The following MTRR variants were observed in gnomAD, a reference collection of about 807,000 sequenced individuals.
MTRR encodes the protein methionine synthase reductase.
A neutral mutation model predicts 79.2 loss-of-function variants in MTRR; 63 were observed. The observed-to-expected ratio is 0.80, with a 90% CI of 0.65 to 0.98. The LOEUF (loss-of-function observed/expected upper bound fraction) is 0.98. Among genes scored for constraint, MTRR ranks in the 50% least tolerant of loss-of-function variants. The pLI is 0.00. For synonymous variants in MTRR, 355 were observed against 313.3 expected, an observed-to-expected ratio of 1.13 and a Z score of -1.41; for missense variants, 895 against 839.6, an observed-to-expected ratio of 1.07 and a Z score of -0.82.
At chr5:7,855,504 C>G (rs934508778) in intron 1 of MTRR, among the ~76,000 whole-genome samples, 1 of 150,902 alleles carries the variant, frequency 6.6e-6, no homozygotes, top group Non-Finnish European at 1.5e-5. Context: ...GAGGAACTTG[C>G]AAACTTATAC....
At chr5:7,872,724 A>G (rs1748199358) in intron 2 of MTRR, among the ~76,000 whole-genome samples, 1 of 152,178 alleles carries the variant, frequency 6.6e-6, no homozygotes, top group African/African-American at 2.4e-5. Flanking sequence ...TTTCTTTACC[A>G]CAGTATTCTA....
chr5:7,864,463 G>A (rs1037177949), upstream of MTRR, among the ~76,000 whole-genome samples: 2 of 152,000 alleles, frequency 1.3e-5, no homozygotes, highest in African/African-American at 4.8e-5. Context: ...TACATCATAA[G>A]TAATATTAAA....
At chr5:7,873,632 C>A in intron 3 of MTRR, 106 bp downstream of exon 3, 1 of 1,310,600 alleles carries the variant, frequency 7.6e-7, no homozygotes, top group Non-Finnish European at 1.1e-6. Context: ...TTTTGTCTTT[C>A]TTATGTAAAT....
intron 1 of MTRR, among the ~76,000 whole-genome samples, chr5:7,860,205 TG>T (rs1357126242): frequency 2.0e-5 from 3 of 152,158 alleles, no homozygotes; most frequent in Non-Finnish European, 4.4e-5. Context: ...AATATTCAGC[TG>T]GGGATGTGCA....
At position 7,892,848 on chromosome 5, in the gene MTRR, G is replaced by A. The variant is rs1737849963; in HGVS notation, c.1492G>A (p.Ala498Thr). 6.2e-7 allele frequency: 1 copy of A among 1,614,204 alleles called. No homozygotes were observed. The highest frequency in any genetic ancestry group is 1.7e-5 in the Admixed American group (1 of 60,018). ...VCTGWLALLV[A>T]SVLQPNIHAS... Reference sequence around the variant, plus strand: ...TACAGGCTGGCTGGCCTTGTTGGTTGCTTCAGTTCTTCAGCCAAACATACA... The same window carrying A: ...TACAGGCTGGCTGGCCTTGTTGGTTACTTCAGTTCTTCAGCCAAACATACA... Residue 498 changes from alanine to threonine, a missense_variant, in exon 11 of 15, where the codon GCT (alanine) becomes ACT (threonine). By Grantham distance (58) the Ala-to-Thr change is moderately conservative. Coordinates refer to ENST00000440940, the MANE Select transcript of MTRR (RefSeq NM_002454.3).
At chr5:7,867,826 G>C, upstream of MTRR, 1 of 1,614,186 alleles carries the variant, frequency 6.2e-7, no homozygotes, top group South Asian at 1.1e-5. Flanking sequence ...GCCTGTCGCA[G>C]TCAGATACTT....
rs2126674347 is a variant in MTRR, at chr5:7,875,118, A to G, written c.284-140A>G. 4 of 709,142 alleles carry G rather than the reference A, an allele frequency of 5.6e-6. No individual in the cohort carries two copies. The South Asian group carries it at 6.3e-5, about 11-fold the overall frequency. 43.9% of individuals were successfully genotyped at this position (709,142 alleles called of 1,614,324 possible). A position where few individuals can be genotyped will look rare whatever the true frequency, so the allele number is the denominator to read the frequency against. ...CTACATGCATAGAATTACTCAAGGAAAATAAAATGTGAAGCTCTGCATTAT... is the reference window on the plus strand; with the variant it reads ...CTACATGCATAGAATTACTCAAGGAGAATAAAATGTGAAGCTCTGCATTAT... On this transcript the variant is annotated intron_variant, in intron 3 of 14. Transcript: ENST00000440940.
intron 3 of MTRR, among the ~76,000 whole-genome samples, chr5:7,874,721 C>A (rs1337001018): frequency 6.6e-6 from 1 of 150,426 alleles, no homozygotes; most frequent in African/African-American, 2.4e-5. Flanking sequence ...TATCAGGAGT[C>A]AGTAAACTCT....
Position 7,883,046 on chromosome 5 carries a change from T to C in MTRR, c.781-109T>C, listed in dbSNP as rs1461950615. ...ATTCATTTACCTTGGAAATGAATAC[T>C]GAGTAGCCAGGAAGTTTTGTAAGCC... On this transcript the variant is annotated intron_variant, in intron 5 of 14. Transcript: ENST00000440940. The C allele has an allele frequency of 6.3e-6, 9 of 1,423,564 alleles. No homozygotes were observed. In the African/African-American group the frequency reaches 9.9e-5, roughly 16 times the overall value. The allele number at this position is 1,423,564 out of a possible 1,614,324, so 88.2% of individuals were successfully genotyped here. A position where few individuals can be genotyped will look rare whatever the true frequency, so the allele number is the denominator to read the frequency against.
chr5:7,883,177 C>T lies in MTRR; in HGVS notation c.803C>T (p.Thr268Ile). Residue 268 changes from threonine to isoleucine, a missense_variant, in exon 6 of 15, where the codon ACT becomes ATT. By Grantham distance (89) the Thr-to-Ile change is moderately conservative. Transcript: ENST00000440940. The stretch of plus-strand genomic sequence containing the variant: ...AAGGAGGAAAGCCAAGTATCTGTGA[C>T]TTCAGCAGATCCAGTTTTTCAAGTG... ...LGQEESQVSVTSADPVFQVPI... is the reference protein window; with the variant it reads ...LGQEESQVSVISADPVFQVPI... 1.9e-6 allele frequency: 3 copies of T among 1,614,236 alleles called. No individual in the cohort carries two copies. The highest frequency in any genetic ancestry group is 2.5e-6 in the Non-Finnish European group (3 of 1,180,048).
At chr5:7,867,108 C>G, upstream of MTRR, 1 of 1,614,176 alleles carries the variant, frequency 6.2e-7, no homozygotes, top group Non-Finnish European at 8.5e-7. Context: ...AAATGTGGGA[C>G]ATGCCTCACG....
chr5:7,889,019 G>A (rs1737093629), intron 8 of MTRR, 76 bp from the exon 9 acceptor site: 1 of 1,562,192 alleles, frequency 6.4e-7, no homozygotes, highest in Non-Finnish European at 8.8e-7. Flanking sequence ...GCATCCCTAG[G>A]CAGACATTTA....
intron 6 of MTRR, among the ~76,000 whole-genome samples, chr5:7,884,441 T>G (rs532081516): frequency 6.6e-6 from 1 of 152,390 alleles, no homozygotes; most frequent in South Asian, 2.1e-4. Context: ...GTAGATTACT[T>G]ACAGTATCTA....
intron 12 of MTRR, chr5:7,896,370 A>G (rs1469669341): frequency 2.1e-5 from 4 of 191,966 alleles, no homozygotes; most frequent in South Asian, 1.0e-4. Flanking sequence ...CTTAGATACT[A>G]TTTGTCAGAT....
intron 5 of MTRR, among the ~76,000 whole-genome samples, chr5:7,881,383 T>G (rs1472984698): frequency 6.6e-6 from 1 of 151,750 alleles, no homozygotes; most frequent in Non-Finnish European, 1.5e-5. Context: ...GGTGTGGTAG[T>G]GGGGGTACAG....
At chr5:7,874,730 C>T (rs946824236) in intron 3 of MTRR, among the ~76,000 whole-genome samples, 1 of 151,220 alleles carries the variant, frequency 6.6e-6, no homozygotes, top group Non-Finnish European at 1.5e-5. Flanking sequence ...TCAGTAAACT[C>T]TATGAAGGTC....
At chr5:7,880,680 C>G (rs1169199764) in intron 5 of MTRR, among the ~76,000 whole-genome samples, 1 of 152,166 alleles carries the variant, frequency 6.6e-6, no homozygotes, top group Non-Finnish European at 1.5e-5. Context: ...GCGTCAAATT[C>G]AGAGACTTCT....
intron 1 of MTRR, chr5:7,856,657 G>A (rs529995080): frequency 6.6e-6 from 1 of 152,168 alleles, no homozygotes; most frequent in Admixed American, 6.5e-5. Context: ...CCCAATTTGG[G>A]AGATCGCAGC....
rs781040363 is a variant in MTRR, at chr5:7,892,755, C to T, written c.1399C>T (p.His467Tyr). The T allele has an allele frequency of 1.9e-6, 3 of 1,614,182 alleles. No individual in the cohort carries two copies. Among genetic ancestry groups the T allele is most frequent in the East Asian group, 4.5e-5 (2 of 44,876 alleles). ...SSSLFHPGKL[H>Y]FVFNIVEFLS... is the part of the protein sequence containing the mutation. ...AAGTTTATTTCACCCAGGAAAGCTC[C>T]ATTTTGTCTTCAACATTGTGGAATT... is the stretch of plus-strand genomic sequence containing the variant. The change falls in exon 11 of 15, where the codon CAT becomes TAT. Residue 467 changes from histidine to tyrosine, a missense_variant. By Grantham distance (83) the His-to-Tyr change is moderately conservative (BLOSUM62 2). Coordinates refer to ENST00000440940, the MANE Select transcript of MTRR (RefSeq NM_002454.3).
Sources: allele counts gnomAD v4.1 joint callset (sites outside exome capture counted in the v4.1 genomes callset), GRCh38; gene constraint gnomAD v4.1.1; transcripts MANE v1.5; gene names NCBI Gene and HGNC (gene_info 2026-07-23, HGNC 2026-07-21).